The following AOAH variants were observed in gnomAD, a reference collection of about 807,000 sequenced individuals.
AOAH encodes acyloxyacyl hydrolase, also known as acyloxyacyl hydrolase (neutrophil).
Under a neutral mutation model 92.2 loss-of-function variants are expected in AOAH, and 64 were observed. The ratio of observed to expected loss-of-function variants is 0.69; its 90% confidence interval spans 0.57 to 0.86. AOAH has a LOEUF of 0.86. Ranked by LOEUF, AOAH falls within the 40% of genes least tolerant of loss-of-function variation. The pLI is 0.00. For missense variants in AOAH, 656 were observed against 694.6 expected, an observed-to-expected ratio of 0.94 and a Z score of 0.62; for synonymous variants, 263 against 254.5, an observed-to-expected ratio of 1.03 and a Z score of -0.32.
chr7:36,678,600 T>TGTGTGCGCGC (rs549317369), intron 2 of AOAH, among the ~76,000 whole-genome samples: 37 of 131,090 alleles, frequency 2.8e-4, no homozygotes, highest in Non-Finnish European at 4.4e-4. Flanking sequence ...TGTGTGTGTG[T>TGTGTGCGCGC]GCGCGCGCGC....
chr7:36,628,032 T>C (rs963841100), intron 6 of AOAH, among the ~76,000 whole-genome samples: 2 of 152,048 alleles, frequency 1.3e-5, no homozygotes, highest in Admixed American at 1.3e-4. Context: ...TGTGGGTGGA[T>C]GTGTTATCCA....
intron 20 of AOAH, among the ~76,000 whole-genome samples, chr7:36,515,358 A>AAACAC (rs1783568671): frequency 2.1e-5 from 1 of 46,734 alleles, no homozygotes; most frequent in Non-Finnish European, 4.0e-5. Flanking sequence ...ACACACCCCC[A>AAACAC]CACACACACC....
At chr7:36,685,510 T>C (rs529638826) in intron 2 of AOAH, among the ~76,000 whole-genome samples, 8 of 152,314 alleles carry the variant, frequency 5.3e-5, no homozygotes, top group South Asian at 4.1e-4. Context: ...TGCGTGGTTT[T>C]CTACAGTTGT....
intron 2 of AOAH, among the ~76,000 whole-genome samples, chr7:36,685,304 G>GCTCAC (rs1796932755): frequency 1.3e-5 from 2 of 152,178 alleles, no homozygotes; most frequent in Non-Finnish European, 2.9e-5. Flanking sequence ...ATCTAGGGAT[G>GCTCAC]CTCACTGAGT....
chr7:36,587,271 C>CAAAAAAAAAAAAAA (rs57475443), intron 12 of AOAH, among the ~76,000 whole-genome samples: 9 of 84,892 alleles, frequency 1.1e-4, no homozygotes, highest in Non-Finnish European at 1.2e-4. Context: ...GACTCCGTCT[C>CAAAAAAAAAAAAAA]AAAAAAAAAA....
chr7:36,690,803 A>G (rs753509484), intron 1 of AOAH, among the ~76,000 whole-genome samples: 1 of 152,216 alleles, frequency 6.6e-6, no homozygotes, highest in Non-Finnish European at 1.5e-5. Context: ...TCCTGGTAGC[A>G]CAGGAAAAGA....
At chr7:36,552,991 T>A (rs182421641) in intron 13 of AOAH, among the ~76,000 whole-genome samples, 2 of 152,046 alleles carry the variant, frequency 1.3e-5, no homozygotes, top group Non-Finnish European at 2.9e-5. Context: ...TATTATACTT[T>A]AAGTTTTAGG....
intron 1 of AOAH, among the ~76,000 whole-genome samples, chr7:36,721,833 T>A (rs1288278942): frequency 6.6e-6 from 1 of 152,222 alleles, no homozygotes; most frequent in East Asian, 1.9e-4. Context: ...AACTTGTGAA[T>A]GCTTTGAGCA....
chr7:36,525,563 C>T (rs977577585), intron 19 of AOAH, among the ~76,000 whole-genome samples: 2 of 151,852 alleles, frequency 1.3e-5, no homozygotes, highest in Non-Finnish European at 2.9e-5. Flanking sequence ...CAAGATAATT[C>T]AGATATCAGA....
At chr7:36,570,850 G>A (rs1052080387) in intron 13 of AOAH, among the ~76,000 whole-genome samples, 4 of 152,248 alleles carry the variant, frequency 2.6e-5, no homozygotes, top group East Asian at 3.9e-4. Flanking sequence ...AAGGTTTAAT[G>A]GGACTCCTAA....
At chr7:36,525,215 G>A (rs1784343246) in intron 19 of AOAH, among the ~76,000 whole-genome samples, 1 of 152,192 alleles carries the variant, frequency 6.6e-6, no homozygotes, top group South Asian at 2.1e-4. Flanking sequence ...CAAAGCCCAT[G>A]CCTGAGATGG....
At chr7:36,530,748 T>C in intron 18 of AOAH, 1 of 443,668 alleles carries the variant, frequency 2.3e-6, no homozygotes, top group Non-Finnish European at 4.1e-6. Context: ...TTAGTGATAC[T>C]AGTTTTAACA....
chr7:36,720,653 G>T (rs1043432729), intron 1 of AOAH, among the ~76,000 whole-genome samples: 2 of 152,142 alleles, frequency 1.3e-5, no homozygotes, highest in African/African-American at 2.4e-5. Flanking sequence ...ATTATCAAGG[G>T]CACTAAGGGC....
Position 36,513,271 on chromosome 7 carries a change from C to A in AOAH, c.1709G>T (p.Gly570Val). The A allele has an allele frequency of 6.2e-7, 1 of 1,614,188 alleles. No homozygotes were observed. The highest frequency in any genetic ancestry group is 2.2e-5 in the East Asian group (1 of 44,878). The change falls in exon 21 of 21, where the codon GGA becomes GTA. Residue 570 changes from glycine (G) to valine (V), a missense_variant. Transcript: ENST00000617537. Reference sequence around the variant, plus strand: ...AGAGGCTCAGTGCCCGCCTTGGTCTCCAAACACCTGTTTAATCTGGGGGTT... The same window carrying A: ...AGAGGCTCAGTGCCCGCCTTGGTCTACAAACACCTGTTTAATCTGGGGGTT... ...PFNPQIKQVF[G>V]DQGGH
rs565974514 is a variant in AOAH, at chr7:36,661,523, T to A, written c.291-2258A>T. Among the ~76,000 whole-genome samples the A allele has an allele frequency of 2.0e-5, 3 of 152,348 alleles. No individual in the cohort carries two copies. The East Asian group carries it at 5.8e-4, about 29-fold the overall frequency. ...ATTTTCCTGACCTTTAGTCCCCTGA[T>A]CTGTGTGCCCTAGGTTCTTATAATA... On this transcript the variant is annotated intron_variant, in intron 3 of 20. Coordinates refer to ENST00000617537, the MANE Select transcript of AOAH (RefSeq NM_001637.4).
chr7:36,698,464 T>C (rs1424695091), intron 1 of AOAH, among the ~76,000 whole-genome samples: 2 of 152,130 alleles, frequency 1.3e-5, no homozygotes, highest in Non-Finnish European at 2.9e-5. Flanking sequence ...TTTCCTTTCT[T>C]CTACTCATTT....
At chr7:36,722,895 T>C (rs1219318122) in intron 1 of AOAH, among the ~76,000 whole-genome samples, 2 of 141,132 alleles carry the variant, frequency 1.4e-5, no homozygotes, top group Non-Finnish European at 3.0e-5. Context: ...GACTGCACCA[T>C]TGTACTCCAG....
At chr7:36,543,006 AG>A (rs138469070) in intron 15 of AOAH, among the ~76,000 whole-genome samples, 3,706 of 152,266 alleles carry the variant, frequency 0.024, 172 homozygotes, top group African/African-American at 0.085. Flanking sequence ...GGGGGTAGCC[AG>A]TAGGGTGGCA....
intron 5 of AOAH, among the ~76,000 whole-genome samples, chr7:36,637,266 T>A (rs551482663): frequency 6.6e-5 from 10 of 152,342 alleles, no homozygotes; most frequent in Non-Finnish European, 1.2e-4. Flanking sequence ...AGATCCCAGA[T>A]GCTCTCTGCA....
Sources: allele counts gnomAD v4.1 joint callset (sites outside exome capture counted in the v4.1 genomes callset), GRCh38; gene constraint gnomAD v4.1.1; transcripts MANE v1.5; gene names NCBI Gene and HGNC (gene_info 2026-07-23, HGNC 2026-07-21).